MYO5B: variants seen among roughly 807,000 people sequenced by gnomAD.
The protein encoded by MYO5B is unconventional myosin-Vb.
MYO5B carries 143 observed loss-of-function variants against 229.3 expected under a neutral mutation model. The observed-to-expected ratio is 0.62, with a 90% CI of 0.54 to 0.72. The LOEUF (loss-of-function observed/expected upper bound fraction) is 0.72, where lower values mean the gene tolerates loss of function less well. Ranked by LOEUF, MYO5B falls within the 30% of genes least tolerant of loss-of-function variation. The pLI, the probability that MYO5B is intolerant of heterozygous loss-of-function variation, is 0.00. For synonymous variants in MYO5B, 918 were observed against 885.2 expected (o/e 1.04, Z -0.66); for missense variants, 2,321 against 2,331.0 (o/e 1.00, Z 0.09).
intron 9 of MYO5B, among the ~76,000 whole-genome samples, chr18:49,978,592 T>C (rs1168109484): frequency 6.6e-6 from 1 of 151,972 alleles, no homozygotes; most frequent in East Asian, 1.9e-4. Context: ...TGGTGAGTGC[T>C]GAGCACCACA....
intron 17 of MYO5B, among the ~76,000 whole-genome samples, chr18:49,921,341 G>C (rs986509681): frequency 6.9e-6 from 1 of 144,266 alleles, no homozygotes; most frequent in African/African-American, 2.6e-5. Context: ...AGCAGTATTT[G>C]CTTCACAATT....
chr18:49,963,290 C>G (rs2025582225), intron 10 of MYO5B, among the ~76,000 whole-genome samples: 1 of 151,810 alleles, frequency 6.6e-6, no homozygotes, highest in African/African-American at 2.4e-5. Flanking sequence ...AGAAAGTCAG[C>G]AATGATTCTA....
At chr18:49,932,468 C>T (rs2025204226) in intron 16 of MYO5B, among the ~76,000 whole-genome samples, 1 of 152,186 alleles carries the variant, frequency 6.6e-6, no homozygotes, top group South Asian at 2.1e-4. Context: ...CCTGTTCTGT[C>T]CTCCTGTGAT....
At chr18:49,998,777 T>C (rs2026016379) in intron 5 of MYO5B, among the ~76,000 whole-genome samples, 1 of 152,196 alleles carries the variant, frequency 6.6e-6, no homozygotes, top group Non-Finnish European at 1.5e-5. Flanking sequence ...AGGACTAGTA[T>C]ATGATTCCAC....
intron 1 of MYO5B, among the ~76,000 whole-genome samples, chr18:50,152,587 C>G (rs1483616769): frequency 2.0e-5 from 3 of 152,162 alleles, no homozygotes; most frequent in Non-Finnish European, 2.9e-5. Context: ...ACCCACAGGT[C>G]TTGACATCAC....
intron 1 of MYO5B, among the ~76,000 whole-genome samples, chr18:50,085,887 G>T (rs971232233): frequency 6.6e-6 from 1 of 151,988 alleles, no homozygotes; most frequent in Non-Finnish European, 1.5e-5. Flanking sequence ...GACACAGGAA[G>T]GGGAACATCA....
chr18:50,044,813 T>G (rs1406626476), intron 2 of MYO5B, among the ~76,000 whole-genome samples: 1 of 151,810 alleles, frequency 6.6e-6, no homozygotes, highest in Non-Finnish European at 1.5e-5. Flanking sequence ...GGGAAAAATA[T>G]AAGATGCAGG....
chr18:50,164,485 G>C (rs2032814845), intron 1 of MYO5B, among the ~76,000 whole-genome samples: 1 of 152,140 alleles, frequency 6.6e-6, no homozygotes, highest in Non-Finnish European at 1.5e-5. Context: ...CTGTTTAAGG[G>C]AAATGCCCCC....
intron 1 of MYO5B, among the ~76,000 whole-genome samples, chr18:50,124,728 C>G (rs2032129254): frequency 6.6e-6 from 1 of 151,956 alleles, no homozygotes; most frequent in African/African-American, 2.4e-5. Flanking sequence ...TCAGTAACTC[C>G]ACATCACTGC....
At chr18:49,896,418 G>A (rs906575001) in intron 21 of MYO5B, among the ~76,000 whole-genome samples, 4 of 152,214 alleles carry the variant, frequency 2.6e-5, no homozygotes, top group Admixed American at 2.6e-4. Context: ...ATGCACGTCT[G>A]TATTATCCAC....
At chr18:49,947,866 T>C (rs780733159) in intron 14 of MYO5B, among the ~76,000 whole-genome samples, 3 of 152,200 alleles carry the variant, frequency 2.0e-5, no homozygotes, top group Non-Finnish European at 4.4e-5. Flanking sequence ...GAAAAAACTT[T>C]GTAAAGGCCA....
chr18:50,040,112 C>T lies in MYO5B; in HGVS notation c.310+31G>A, dbSNP rs7242148. 1,778 of 1,612,448 alleles carry T rather than the reference C, an allele frequency of 1.1e-3. 12 individuals are homozygous for T. In the African/African-American group the frequency reaches 0.02, roughly 18 times the overall value. On this transcript the variant is annotated intron_variant, in intron 3 of 39. Coordinates refer to ENST00000285039, the MANE Select transcript of MYO5B (RefSeq NM_001080467.3). ...TCTAAAGCTGGTAAGCACTTTCCAA[C>T]GCATGCAGCCAACAGATGCCCCCCA...
chr18:49,953,410 T>C (rs2025450956), intron 13 of MYO5B, 67 bp from the exon 14 acceptor site: 1 of 1,384,454 alleles, frequency 7.2e-7, no homozygotes, highest in African/African-American at 1.4e-5. Context: ...ACCACTTTCA[T>C]CTCATCCAGG....
At chr18:50,130,924 G>T (rs1277966167) in intron 1 of MYO5B, among the ~76,000 whole-genome samples, 1 of 152,176 alleles carries the variant, frequency 6.6e-6, no homozygotes, top group Non-Finnish European at 1.5e-5. Context: ...CCTTCCAGGG[G>T]ACTTCAGGAG....
rs1400676374 is a variant in MYO5B at position 49,904,656 on chromosome 18, C to G, written c.2571+16G>C. On this transcript the variant is annotated intron_variant, in intron 20 of 39. Coordinates refer to ENST00000285039, the MANE Select transcript of MYO5B (RefSeq NM_001080467.3). ...TCTGAATCTGCAGCCCTGAGGCCCT[C>G]AGAGTGGCTACTCACCTGGCGGTAG... is the stretch of plus-strand genomic sequence containing the variant. 1 of 1,614,090 alleles carries G rather than the reference C, an allele frequency of 6.2e-7. No individual in the cohort carries two copies. Among genetic ancestry groups the G allele is most frequent in the Admixed American group, 1.7e-5 (1 of 60,028 alleles).
chr18:49,990,396 C>G (rs370044385), intron 7 of MYO5B, 43 bp downstream of exon 7: 2 of 1,525,528 alleles, frequency 1.3e-6, no homozygotes, highest in Non-Finnish European at 1.8e-6. Context: ...CCCGCTGGAG[C>G]AGTAGCCCAC....
At chr18:50,008,703 C>T (rs1188458582) in intron 4 of MYO5B, among the ~76,000 whole-genome samples, 1 of 152,188 alleles carries the variant, frequency 6.6e-6, no homozygotes, top group African/African-American at 2.4e-5. Context: ...CCTGGCTTGC[C>T]AAGCCACCAC....
intron 1 of MYO5B, among the ~76,000 whole-genome samples, chr18:50,190,586 G>A (rs2033212795): frequency 6.6e-6 from 1 of 150,758 alleles, no homozygotes; most frequent in Non-Finnish European, 1.5e-5. Flanking sequence ...GAACAGGAGT[G>A]TCTCTGTTCA....
chr18:49,914,123 C>G (rs1478834399), intron 17 of MYO5B, among the ~76,000 whole-genome samples: 1 of 152,184 alleles, frequency 6.6e-6, no homozygotes, highest in Non-Finnish European at 1.5e-5. Flanking sequence ...AGCTGGTTAA[C>G]ACTTAAGCCA....
Sources: gnomAD v4.1 joint callset for allele counts (sites outside exome capture counted in the v4.1 genomes callset) on GRCh38, gnomAD v4.1.1 for gene constraint, MANE v1.5 for transcripts, NCBI Gene and HGNC (gene_info 2026-07-23, HGNC 2026-07-21) for gene names.